Variants in LRRK2 observed in about 807,000 individuals in gnomAD.
LRRK2 encodes the protein leucine-rich repeat serine/threonine-protein kinase 2.
In LRRK2, 203 loss-of-function variants were observed where a neutral mutation model predicts 302.6. The observed-to-expected ratio is 0.67, with a 90% CI of 0.60 to 0.75. LRRK2 has a LOEUF of 0.75. Among genes scored for constraint, LRRK2 ranks in the 30% least tolerant of loss-of-function variants. The probability of loss-of-function intolerance (pLI) is 0.00; values close to 1 mark genes in which losing one functional copy is unlikely to be tolerated. For missense variants in LRRK2, 2,830 were observed against 2,951.0 expected (o/e 0.96, Z 0.95); for synonymous variants, 1,066 against 1,031.9 (o/e 1.03, Z -0.63).
intron 18 of LRRK2, among the ~76,000 whole-genome samples, chr12:40,279,521 A>T (rs1001070352): frequency 6.6e-6 from 1 of 152,178 alleles, no homozygotes; most frequent in Non-Finnish European, 1.5e-5. Flanking sequence ...TTTACTGTGC[A>T]TCTTTTGCAT....
intron 3 of LRRK2, among the ~76,000 whole-genome samples, chr12:40,234,595 T>G (rs1941364363): frequency 6.6e-6 from 1 of 151,918 alleles, no homozygotes; most frequent in Non-Finnish European, 1.5e-5. Context: ...GCCAGGATGG[T>G]CTTGATCTAT....
At position 40,309,050 on chromosome 12, in the gene LRRK2, G is replaced by A. The variant is rs1320145358; in HGVS notation, c.4190-56G>A. 3 of 1,583,664 alleles carry A rather than the reference G, an allele frequency of 1.9e-6. No homozygotes were observed. In the South Asian group the frequency reaches 3.4e-5, roughly 18 times the overall value. On this transcript the variant is annotated intron_variant, in intron 29 of 50. Coordinates refer to ENST00000298910, the MANE Select transcript of LRRK2 (RefSeq NM_198578.4). ...TTCTCCCAGATTTTTTTTTAAAAAA[G>A]GATTCTTGCCTGTCGTTTGAAAGAT...
At chr12:40,237,291 A>G (rs1235890961) in intron 4 of LRRK2, among the ~76,000 whole-genome samples, 1 of 152,212 alleles carries the variant, frequency 6.6e-6, no homozygotes, top group Non-Finnish European at 1.5e-5. Context: ...TTGCAAGACC[A>G]CATTTGTGTT....
intron 23 of LRRK2, among the ~76,000 whole-genome samples, chr12:40,295,983 TA>T (rs1251286332): frequency 1.3e-5 from 2 of 152,198 alleles, no homozygotes; most frequent in African/African-American, 4.8e-5. Flanking sequence ...AAACTAGAAT[TA>T]GACCTGGTTT....
chr12:40,299,065 A>G (rs1944520179), intron 24 of LRRK2, 44 bp from the exon 25 acceptor site: 8 of 1,598,054 alleles, frequency 5.0e-6, no homozygotes, highest in Non-Finnish European at 6.0e-6. Flanking sequence ...TTTAAAGCAT[A>G]TGAATTTATG....
At chr12:40,310,191 C>T (rs1163375514) in intron 30 of LRRK2, among the ~76,000 whole-genome samples, 1 of 151,978 alleles carries the variant, frequency 6.6e-6, no homozygotes, top group Non-Finnish European at 1.5e-5. Context: ...GTTATATATG[C>T]CACCTAAAAG....
At chr12:40,288,572 A>C (rs571383907) in intron 20 of LRRK2, among the ~76,000 whole-genome samples, 1 of 151,882 alleles carries the variant, frequency 6.6e-6, no homozygotes, top group South Asian at 2.1e-4. Flanking sequence ...CCAGCAGTAC[A>C]TGAGCATTCT....
intron 28 of LRRK2, 36 bp from the exon 29 acceptor site, chr12:40,308,431 C>A (rs773164257): frequency 6.6e-7 from 1 of 1,507,000 alleles, no homozygotes; most frequent in Admixed American, 1.7e-5. Context: ...TACTTTTAAG[C>A]AGTTTATTAT....
At chr12:40,242,964 A>G (rs1032488654) in intron 6 of LRRK2, among the ~76,000 whole-genome samples, 14 of 150,816 alleles carry the variant, frequency 9.3e-5, no homozygotes, top group African/African-American at 2.2e-4. Context: ...CACTTTACAT[A>G]TTAAATTCTA....
chr12:40,233,427 C>G (rs1056245765), intron 3 of LRRK2, among the ~76,000 whole-genome samples: 2 of 152,042 alleles, frequency 1.3e-5, no homozygotes, highest in African/African-American at 4.8e-5. Flanking sequence ...CAAATTAGAG[C>G]TATGTGTTTG....
At chr12:40,340,559 G>A (rs1395201267) in intron 41 of LRRK2, 105 bp downstream of exon 41, 2 of 1,109,258 alleles carry the variant, frequency 1.8e-6, no homozygotes, top group East Asian at 4.7e-5. Context: ...CTATCACATT[G>A]TGAACAGAGG....
chr12:40,315,518 C>T (rs1945188695), intron 33 of LRRK2, among the ~76,000 whole-genome samples: 1 of 151,906 alleles, frequency 6.6e-6, no homozygotes. Flanking sequence ...GTTTTCAAGC[C>T]ACATACAGAT....
At chr12:40,266,451 T>G (rs749540065) in intron 14 of LRRK2, among the ~76,000 whole-genome samples, 7 of 152,224 alleles carry the variant, frequency 4.6e-5, no homozygotes, top group South Asian at 2.1e-4. Flanking sequence ...ACCACAATGA[T>G]ATACCATCTC....
chr12:40,241,947 C>T (rs1941740492), intron 6 of LRRK2, among the ~76,000 whole-genome samples: 1 of 152,114 alleles, frequency 6.6e-6, no homozygotes, highest in South Asian at 2.1e-4. Flanking sequence ...ACATCACTGC[C>T]AACAAACTGA....
intron 20 of LRRK2, 91 bp from the exon 21 acceptor site, chr12:40,293,454 A>T: frequency 1.3e-6 from 1 of 795,800 alleles, no homozygotes; most frequent in Non-Finnish European, 2.1e-6. Flanking sequence ...AATAGGTCTA[A>T]TCTTCCATGA....
intron 4 of LRRK2, among the ~76,000 whole-genome samples, chr12:40,236,047 G>A (rs577034496): frequency 1.4e-4 from 22 of 152,002 alleles, no homozygotes; most frequent in African/African-American, 4.1e-4. Context: ...TTGGTAGTCC[G>A]ATGTTTGCTC....
chr12:40,303,923 A>C, intron 26 of LRRK2, 25 bp from the exon 27 acceptor site: 1 of 1,609,704 alleles, frequency 6.2e-7, no homozygotes, highest in Non-Finnish European at 8.5e-7. Context: ...CATTTGGTTT[A>C]TGTCTTTTCT....
chr12:40,277,632 A>C (rs1943515518), intron 16 of LRRK2, among the ~76,000 whole-genome samples: 1 of 152,194 alleles, frequency 6.6e-6, no homozygotes, highest in Non-Finnish European at 1.5e-5. Context: ...TGAGGGTATT[A>C]GTTCTTTTTC....
intron 31 of LRRK2, chr12:40,312,601 G>A (rs1266883783): frequency 6.6e-6 from 1 of 151,970 alleles, no homozygotes; most frequent in Admixed American, 6.6e-5. Flanking sequence ...TTTAAGTTTT[G>A]TTTTTTGGCT....
Sources: allele counts gnomAD v4.1 joint callset (sites outside exome capture counted in the v4.1 genomes callset), GRCh38; gene constraint gnomAD v4.1.1; transcripts MANE v1.5; gene names NCBI Gene and HGNC (gene_info 2026-07-23, HGNC 2026-07-21).